The following FRMPD4 variants were observed in gnomAD, a reference collection of about 807,000 sequenced individuals.
FRMPD4 encodes FERM and PDZ domain containing 4, also known as FERM and PDZ domain-containing protein 4.
Under a neutral mutation model 94.1 loss-of-function variants are expected in FRMPD4, and 22 were observed. That is an observed-to-expected ratio of 0.23 (90% CI 0.17 to 0.33). FRMPD4 has a LOEUF of 0.33. Ranked by LOEUF, FRMPD4 falls within the 10% of genes least tolerant of loss-of-function variation. FRMPD4 has a pLI of 1.00. For synonymous variants in FRMPD4, 631 were observed against 548.6 expected (o/e 1.15, Z -2.10); for missense variants, 1,111 against 1,339.9 (o/e 0.83, Z 2.67).
At chrX:12,463,440 T>C (rs751476110) in intron 1 of FRMPD4, among the ~76,000 whole-genome samples, 129 of 112,059 alleles carry the variant, frequency 1.2e-3, no homozygotes, top group African/African-American at 3.8e-3. Flanking sequence ...TTTGCAATAC[T>C]TCCTTTCTAA....
intron 3 of FRMPD4, among the ~76,000 whole-genome samples, chrX:11,962,932 C>T (rs1212095437): frequency 8.9e-6 from 1 of 112,051 alleles, no homozygotes; most frequent in African/African-American, 3.2e-5. Context: ...TTTTGTTACC[C>T]TGTTATACAC....
intron 1 of FRMPD4, among the ~76,000 whole-genome samples, chrX:12,465,871 A>G (rs375240353): frequency 8.9e-6 from 1 of 111,959 alleles, no homozygotes; most frequent in Non-Finnish European, 1.9e-5. Flanking sequence ...TGCCACATCT[A>G]TTTGGAAGTA....
At chrX:12,281,616 C>T (rs1341477329) in intron 1 of FRMPD4, among the ~76,000 whole-genome samples, 1 of 111,454 alleles carries the variant, frequency 9.0e-6, no homozygotes, top group African/African-American at 3.3e-5. Context: ...CTCAAGTGAT[C>T]TGCCTACCTT....
intron 3 of FRMPD4, among the ~76,000 whole-genome samples, chrX:11,963,121 G>T (rs986845346): frequency 4.0e-4 from 45 of 111,953 alleles, no homozygotes; most frequent in African/African-American, 1.4e-3. Flanking sequence ...ACAAAGGAAA[G>T]AAATGTTAAA....
At chrX:11,849,228 T>A (rs1267068326) in intron 1 of FRMPD4, among the ~76,000 whole-genome samples, 2 of 111,074 alleles carry the variant, frequency 1.8e-5, no homozygotes, top group African/African-American at 3.3e-5. Context: ...AATAAAATAC[T>A]TAGGAATAAA....
chrX:12,490,149 T>C (rs2057778129), intron 1 of FRMPD4, among the ~76,000 whole-genome samples: 1 of 111,538 alleles, frequency 9.0e-6, no homozygotes, highest in African/African-American at 3.3e-5. Context: ...GGTTGCTATA[T>C]GCAGTACGAG....
At chrX:12,268,926 A>T (rs1032457435) in intron 1 of FRMPD4, among the ~76,000 whole-genome samples, 2 of 112,373 alleles carry the variant, frequency 1.8e-5, no homozygotes, top group Non-Finnish European at 3.7e-5. Context: ...TCATAGAATG[A>T]TCATTGAAAA....
At chrX:12,017,009 A>G (rs1018450951) in intron 3 of FRMPD4, among the ~76,000 whole-genome samples, 2 of 112,149 alleles carry the variant, frequency 1.8e-5, no homozygotes, top group African/African-American at 3.2e-5. Context: ...CTTGCTCCAT[A>G]TACTGCTACT....
At chrX:12,610,223 G>T (rs1376776706) in intron 3 of FRMPD4, among the ~76,000 whole-genome samples, 2 of 112,094 alleles carry the variant, frequency 1.8e-5, no homozygotes, top group Non-Finnish European at 3.8e-5. Flanking sequence ...AAAGGAGGAA[G>T]TGGTTACAGT....
chrX:12,239,290 A>T (rs1034888755), intron 1 of FRMPD4, among the ~76,000 whole-genome samples: 1 of 112,425 alleles, frequency 8.9e-6, no homozygotes, highest in Non-Finnish European at 1.9e-5. Context: ...TGCCTGCCTA[A>T]AAATTGTAAA....
rs184640466 is a variant in FRMPD4, at chrX:12,397,051, T to A, written c.42-101629T>A. 5.4e-5 allele frequency among the ~76,000 whole-genome samples: 6 copies of A among 111,030 alleles called. No homozygotes were observed. In the East Asian group the frequency reaches 1.7e-3, roughly 31 times the overall value. On this transcript the variant is annotated intron_variant, in intron 1 of 16. Coordinates refer to ENST00000675598, the MANE Select transcript of FRMPD4 (RefSeq NM_001368397.1). ...TCACATATGCATCAAAGAGCTCAAG[T>A]GAGACAGCCCTAGTAAGCATTCCTC...
intron 3 of FRMPD4, among the ~76,000 whole-genome samples, chrX:12,121,313 A>AT (rs200311095): frequency 1.8e-4 from 20 of 109,721 alleles, no homozygotes; most frequent in African/African-American, 6.3e-4. Flanking sequence ...TTTTCTCACA[A>AT]TTTTTTTTTG....
At chrX:12,478,213 C>A (rs1251404493) in intron 1 of FRMPD4, among the ~76,000 whole-genome samples, 3 of 111,206 alleles carry the variant, frequency 2.7e-5, no homozygotes, top group African/African-American at 9.8e-5. Flanking sequence ...CTGGAGTAGG[C>A]CAGGATGTTG....
At chrX:12,663,223 TG>T (rs1471881250) in intron 4 of FRMPD4, among the ~76,000 whole-genome samples, 1 of 112,419 alleles carries the variant, frequency 8.9e-6, no homozygotes, top group African/African-American at 3.2e-5. Flanking sequence ...TTGTCAATTT[TG>T]GCTTCTGTTG....
rs147945198 is a variant in FRMPD4, at chrX:11,871,128, T to C, written c.-30+5912T>C. 3.5e-3 allele frequency among the ~76,000 whole-genome samples: 389 copies of C among 112,690 alleles called. 2 individuals are homozygous for C. Among genetic ancestry groups the C allele is most frequent in the African/African-American group, 0.012 (364 of 31,034 alleles). On this transcript the variant is annotated intron_variant, in intron 2 of 18. Transcript: ENST00000640291. ...TAAAATCTTCAGGAACGATCCTCCATTAATGCCAAATATGAGTTGAAGAAA... is the reference window on the plus strand; with the variant it reads ...TAAAATCTTCAGGAACGATCCTCCACTAATGCCAAATATGAGTTGAAGAAA...
chrX:12,245,512 C>CTTTTTTTTTTTTTTTTTTT (rs566550884), intron 1 of FRMPD4, among the ~76,000 whole-genome samples: 1 of 67,578 alleles, frequency 1.5e-5, no homozygotes, highest in Non-Finnish European at 2.7e-5. Context: ...CTTATGTCCT[C>CTTTTTTTTTTTTTTTTTTT]TTTTTTTTTT....
intron 1 of FRMPD4, among the ~76,000 whole-genome samples, chrX:12,359,148 TATTAA>T (rs755967760): frequency 2.1e-4 from 23 of 112,161 alleles, no homozygotes; most frequent in Admixed American, 1.5e-3. Flanking sequence ...ACCTTGGATT[TATTAA>T]ATTAAAGAAG....
At chrX:12,226,201 C>T (rs192218742) in intron 1 of FRMPD4, among the ~76,000 whole-genome samples, 79 of 111,549 alleles carry the variant, frequency 7.1e-4, no homozygotes, top group Non-Finnish European at 1.2e-3. Flanking sequence ...ACCTCCTGGG[C>T]TCAAGCGATC....
intron 3 of FRMPD4, among the ~76,000 whole-genome samples, chrX:12,116,844 A>C (rs1435370932): frequency 8.9e-6 from 1 of 112,074 alleles, no homozygotes; most frequent in Non-Finnish European, 1.9e-5. Flanking sequence ...TAAATAATTA[A>C]TGGGATGAAT....
Sources: allele counts gnomAD v4.1 joint callset (sites outside exome capture counted in the v4.1 genomes callset), GRCh38; gene constraint gnomAD v4.1.1; transcripts MANE v1.5; gene names NCBI Gene and HGNC (gene_info 2026-07-23, HGNC 2026-07-21).